CFAP77: variants seen among roughly 807,000 people sequenced by gnomAD.
CFAP77 encodes cilia- and flagella-associated protein 77.
Under a neutral mutation model 31.1 loss-of-function variants are expected in CFAP77, and 25 were observed. That is an observed-to-expected ratio of 0.80 (90% CI 0.59 to 1.12). The LOEUF is 1.12. Among genes scored for constraint, CFAP77 ranks in the 50% most tolerant of loss-of-function variants. The probability of loss-of-function intolerance (pLI) is 0.00; values close to 1 mark genes in which losing one functional copy is unlikely to be tolerated. For synonymous variants in CFAP77, 151 were observed against 159.9 expected, an observed-to-expected ratio of 0.94 and a Z score of 0.42; for missense variants, 377 against 397.3, an observed-to-expected ratio of 0.95 and a Z score of 0.44.
chr9:132,441,333 C>G (rs1216851037), intron 1 of CFAP77, among the ~76,000 whole-genome samples: 2 of 152,138 alleles, frequency 1.3e-5, no homozygotes, highest in African/African-American at 4.8e-5. Flanking sequence ...GTGCAAGGTT[C>G]AGGGAAATTG....
At chr9:132,549,885 A>G (rs1214162192) in intron 5 of CFAP77, among the ~76,000 whole-genome samples, 1 of 152,186 alleles carries the variant, frequency 6.6e-6, no homozygotes, top group Admixed American at 6.5e-5. Context: ...GGTTTTACAT[A>G]ATCTGGCACC....
At position 132,465,485 on chromosome 9, in the gene CFAP77, T is replaced by A. The variant is rs537127052; in HGVS notation, c.196-33210T>A. Reference sequence around the variant, plus strand: ...CCTAGATGTGGGCCTTTGATCTATGTTTGAGGGAGTGGCAAGGTGCAGATC... The same window carrying A: ...CCTAGATGTGGGCCTTTGATCTATGATTGAGGGAGTGGCAAGGTGCAGATC... On this transcript the variant is annotated intron_variant, in intron 1 of 5. Transcript: ENST00000393216. Among the ~76,000 whole-genome samples, 12 of 152,224 alleles carry A rather than the reference T, an allele frequency of 7.9e-5. No homozygotes were observed. In the South Asian group the frequency reaches 1.5e-3, roughly 18 times the overall value.
intron 5 of CFAP77, among the ~76,000 whole-genome samples, chr9:132,567,647 C>T (rs1010441177): frequency 3.0e-4 from 45 of 152,188 alleles, no homozygotes; most frequent in Non-Finnish European, 1.0e-4. Context: ...TTGTCACAAA[C>T]CTTGGTGGCT....
rs868862796 is a variant in CFAP77, at chr9:132,497,492, T to C, written c.196-1203T>C. ...GCCTGTGGACAGTGGAAGGAGCAGC[T>C]GCACCCACCCTTCTCAGTAATGGCC... On this transcript the variant is annotated intron_variant, in intron 1 of 5. Transcript: ENST00000393216. The surrounding 1 kb of genome is among the most constrained non-coding windows in gnomAD (Gnocchi z 4.9). 5.5e-4 allele frequency among the ~76,000 whole-genome samples: 84 copies of C among 152,308 alleles called. No homozygotes were observed. The highest frequency in any genetic ancestry group is 7.2e-4 in the Non-Finnish European group (49 of 68,018).
chr9:132,491,022 C>T (rs1287182987), intron 1 of CFAP77, among the ~76,000 whole-genome samples: 3 of 152,000 alleles, frequency 2.0e-5, no homozygotes, highest in Admixed American at 6.6e-5. Context: ...TGTGGGTGCG[C>T]CCTGCGAGGG....
chr9:132,482,840 A>G (rs1851471858), intron 1 of CFAP77, among the ~76,000 whole-genome samples: 2 of 148,536 alleles, frequency 1.3e-5, no homozygotes, highest in South Asian at 2.2e-4. Context: ...ATTAGGAGAT[A>G]TACCTAAGGC....
At chr9:132,489,316 G>A (rs1054627859) in intron 1 of CFAP77, among the ~76,000 whole-genome samples, 12 of 152,330 alleles carry the variant, frequency 7.9e-5, no homozygotes, top group African/African-American at 2.9e-4. Context: ...TGCTAGTTCA[G>A]TGGGGATACC....
chr9:132,463,058 A>G (rs1457625042), intron 1 of CFAP77, among the ~76,000 whole-genome samples: 1 of 152,122 alleles, frequency 6.6e-6, no homozygotes, highest in Non-Finnish European at 1.5e-5. Context: ...GGGGAGAGGC[A>G]ATGAGTCAGG....
At chr9:132,553,147 T>C (rs1334912403) in intron 5 of CFAP77, among the ~76,000 whole-genome samples, 2 of 152,196 alleles carry the variant, frequency 1.3e-5, no homozygotes, top group Non-Finnish European at 2.9e-5. Context: ...GAGTCCTCAC[T>C]TGCTGGAGAG....
In CFAP77 at chr9:132,517,580, C is replaced by A. The variant is rs1852169735; in HGVS notation, c.524+17980C>A. Reference sequence around the variant, plus strand: ...TGAAACACCTTTCAACAAATGTGTACCTAAAGTCCCTCAGAAGGCTCCTCC... The same window carrying A: ...TGAAACACCTTTCAACAAATGTGTAACTAAAGTCCCTCAGAAGGCTCCTCC... On this transcript the variant is annotated intron_variant, in intron 3 of 5. Transcript: ENST00000393216. This position sits in a 1 kb window ranked among gnomAD's most constrained non-coding sequence, Gnocchi z 4.7. Among the ~76,000 whole-genome samples, 1 of 152,184 alleles carries A rather than the reference C, an allele frequency of 6.6e-6. No homozygotes were observed. The highest frequency in any genetic ancestry group is 2.1e-4 in the South Asian group (1 of 4,834).
Position 132,545,056 on chromosome 9 carries a change from G to T in CFAP77, c.732+2009G>T, listed in dbSNP as rs573373913. 6.6e-6 allele frequency among the ~76,000 whole-genome samples: 1 copy of T among 152,194 alleles called. No individual in the cohort carries two copies. The highest frequency in any genetic ancestry group is 1.5e-5 in the Non-Finnish European group (1 of 68,038). ...TGCCGCACCTGTGCTGGGAGCTCCG[G>T]TCTGTCTCACTCACCTGTGTCCCAC... On this transcript the variant is annotated intron_variant, in intron 5 of 5. Coordinates refer to ENST00000393216, the MANE Select transcript of CFAP77 (RefSeq NM_001282957.2). This position sits in a 1 kb window ranked among gnomAD's most constrained non-coding sequence, Gnocchi z 4.6.
At chr9:132,459,523 GTGTA>G (rs1350299004) in intron 1 of CFAP77, among the ~76,000 whole-genome samples, 1 of 151,552 alleles carries the variant, frequency 6.6e-6, no homozygotes, top group Non-Finnish European at 1.5e-5. Flanking sequence ...GTTTAGGTGG[GTGTA>G]TGTGTGAGTG....
chr9:132,521,425 C>T (rs1038988361), intron 3 of CFAP77, among the ~76,000 whole-genome samples: 11 of 152,188 alleles, frequency 7.2e-5, no homozygotes, highest in African/African-American at 1.2e-4. Flanking sequence ...TGAGTGCAGA[C>T]GGTCCAGGCC....
chr9:132,468,279 G>A (rs1051662029), intron 1 of CFAP77, among the ~76,000 whole-genome samples: 16 of 152,128 alleles, frequency 1.1e-4, no homozygotes, highest in African/African-American at 3.1e-4. Context: ...CCAGGAGGCC[G>A]AGGCTGCAGC....
At chr9:132,562,819 C>G (rs1229902552) in intron 5 of CFAP77, among the ~76,000 whole-genome samples, 2 of 152,012 alleles carry the variant, frequency 1.3e-5, no homozygotes, top group South Asian at 4.2e-4. Context: ...CCTGCCTCAG[C>G]CTCCTGAGTA....
intron 3 of CFAP77, among the ~76,000 whole-genome samples, chr9:132,533,222 G>A (rs1852487797): frequency 2.0e-5 from 3 of 152,192 alleles, no homozygotes; most frequent in African/African-American, 7.2e-5. Context: ...CCCTTCAGCT[G>A]CCGAAGACTC....
intron 1 of CFAP77, among the ~76,000 whole-genome samples, chr9:132,414,516 C>T (rs996576032): frequency 2.0e-5 from 3 of 151,504 alleles, no homozygotes; most frequent in African/African-American, 7.3e-5. Flanking sequence ...CACACACACA[C>T]ACACACACAC....
At chr9:132,568,556 C>T (rs1018660396) in intron 5 of CFAP77, among the ~76,000 whole-genome samples, 2 of 90,058 alleles carry the variant, frequency 2.2e-5, no homozygotes, top group Non-Finnish European at 4.6e-5. Flanking sequence ...AACTCCGCCT[C>T]AAAAAAAAAA....
chr9:132,551,282 C>T (rs1589921701), intron 5 of CFAP77, among the ~76,000 whole-genome samples: 1 of 143,310 alleles, frequency 7.0e-6, no homozygotes. Flanking sequence ...CCTGGGTGCC[C>T]TTTTTTTTTT....
Sources: allele counts gnomAD v4.1 joint callset (sites outside exome capture counted in the v4.1 genomes callset), GRCh38; gene constraint gnomAD v4.1.1; non-coding constraint Gnocchi (gnomAD v3.1); transcripts MANE v1.5; gene names NCBI Gene and HGNC (gene_info 2026-07-23, HGNC 2026-07-21).